ARHGAP32: variants seen among roughly 807,000 people sequenced by gnomAD.
ARHGAP32 encodes rho GTPase-activating protein 32.
In ARHGAP32, 51 loss-of-function variants were observed where a neutral mutation model predicts 186.5. That is an observed-to-expected ratio of 0.27 (90% CI 0.22 to 0.35). The LOEUF (loss-of-function observed/expected upper bound fraction) is 0.35, where lower values mean the gene tolerates loss of function less well. Ranked by LOEUF, ARHGAP32 falls within the 10% of genes least tolerant of loss-of-function variation. ARHGAP32 has a pLI of 1.00. For synonymous variants in ARHGAP32, 950 were observed against 964.3 expected (o/e 0.99, Z 0.27); for missense variants, 2,186 against 2,623.5 (o/e 0.83, Z 3.64).
chr11:129,021,716 C>A (rs965285770), intron 11 of ARHGAP32, among the ~76,000 whole-genome samples: 3 of 152,020 alleles, frequency 2.0e-5, no homozygotes, highest in South Asian at 4.1e-4. Flanking sequence ...ATTTTTATTT[C>A]GAAATTTAAA....
intron 1 of ARHGAP32, among the ~76,000 whole-genome samples, chr11:129,251,117 C>T (rs767584217): frequency 1.2e-4 from 18 of 152,138 alleles, no homozygotes; most frequent in African/African-American, 2.7e-4. Context: ...AGAAAGTAAA[C>T]GGATCCTATC....
intron 10 of ARHGAP32, among the ~76,000 whole-genome samples, chr11:129,045,308 G>C (rs564850695): frequency 6.6e-6 from 1 of 152,206 alleles, no homozygotes; most frequent in Non-Finnish European, 1.5e-5. Flanking sequence ...AAAGCTGAGA[G>C]AACCTTAGAG....
chr11:129,117,345 G>A (rs1942394938), intron 5 of ARHGAP32, among the ~76,000 whole-genome samples: 1 of 151,960 alleles, frequency 6.6e-6, no homozygotes, highest in Non-Finnish European at 1.5e-5. Flanking sequence ...ATAATGCCTG[G>A]CTCAGACAAA....
intron 11 of ARHGAP32, among the ~76,000 whole-genome samples, chr11:129,007,359 C>A (rs758557095): frequency 6.6e-6 from 1 of 152,024 alleles, no homozygotes; most frequent in Non-Finnish European, 1.5e-5. Flanking sequence ...CAGAGTCTCA[C>A]CCATGGCCCA....
At chr11:129,208,088 T>C (rs1944538519) in intron 1 of ARHGAP32, among the ~76,000 whole-genome samples, 1 of 152,138 alleles carries the variant, frequency 6.6e-6, no homozygotes. Flanking sequence ...TTCCTACCGT[T>C]TTAAAAGAAT....
At chr11:129,274,611 T>G (rs1051060486) in intron 1 of ARHGAP32, among the ~76,000 whole-genome samples, 2 of 152,208 alleles carry the variant, frequency 1.3e-5, no homozygotes, top group African/African-American at 4.8e-5. Flanking sequence ...TTGCTCACTC[T>G]TAGTTTGAGA....
chr11:129,203,716 T>C (rs1017628845), intron 1 of ARHGAP32, among the ~76,000 whole-genome samples: 3 of 56,060 alleles, frequency 5.4e-5, no homozygotes, highest in African/African-American at 1.9e-4. Context: ...GTCTTGTCTC[T>C]ACAAAAAAAA....
intron 12 of ARHGAP32, among the ~76,000 whole-genome samples, chr11:128,997,821 G>A (rs1322042304): frequency 1.3e-5 from 2 of 152,136 alleles, no homozygotes; most frequent in Non-Finnish European, 2.9e-5. Context: ...CTGAGCCCAG[G>A]AATTCAAGGC....
intron 11 of ARHGAP32, among the ~76,000 whole-genome samples, chr11:129,002,079 CTAT>C (rs1252068763): frequency 2.6e-5 from 4 of 151,946 alleles, no homozygotes; most frequent in African/African-American, 9.7e-5. Flanking sequence ...ATTGCTATGG[CTAT>C]TATTTAGTTC....
intron 1 of ARHGAP32, among the ~76,000 whole-genome samples, chr11:129,182,786 G>A (rs767472904): frequency 5.3e-5 from 8 of 151,794 alleles, no homozygotes; most frequent in Non-Finnish European, 8.8e-5. Flanking sequence ...TGGGACTACA[G>A]GCAGGTACCA....
At chr11:129,230,663 TA>T (rs1376039626) in intron 1 of ARHGAP32, among the ~76,000 whole-genome samples, 1 of 152,184 alleles carries the variant, frequency 6.6e-6, no homozygotes, top group Non-Finnish European at 1.5e-5. Flanking sequence ...TTCTCATGTA[TA>T]ATATTTCACA....
At chr11:129,258,136 C>T (rs1382707199) in intron 1 of ARHGAP32, among the ~76,000 whole-genome samples, 2 of 152,164 alleles carry the variant, frequency 1.3e-5, no homozygotes, top group African/African-American at 4.8e-5. Flanking sequence ...TTTTATAGCA[C>T]TTTGTCAAAT....
intron 15 of ARHGAP32, among the ~76,000 whole-genome samples, chr11:128,984,737 G>C (rs1945811848): frequency 6.6e-6 from 1 of 152,018 alleles, no homozygotes; most frequent in African/African-American, 2.4e-5. Flanking sequence ...TTAGAAGACA[G>C]GCAAAGTGGA....
At chr11:129,150,413 A>T (rs899408721) in intron 2 of ARHGAP32, among the ~76,000 whole-genome samples, 20 of 152,164 alleles carry the variant, frequency 1.3e-4, no homozygotes, top group African/African-American at 4.8e-4. Context: ...TGGCTCCTGC[A>T]GTGCCCCACT....
At chr11:129,074,722 G>A (rs1030698341) in intron 6 of ARHGAP32, among the ~76,000 whole-genome samples, 1 of 152,084 alleles carries the variant, frequency 6.6e-6, no homozygotes, top group African/African-American at 2.4e-5. Context: ...TCGATCTCCT[G>A]ACCACATGAT....
At chr11:129,080,868 CAAGAA>C (rs1251522636) in intron 6 of ARHGAP32, among the ~76,000 whole-genome samples, 6 of 151,646 alleles carry the variant, frequency 4.0e-5, no homozygotes, top group African/African-American at 1.5e-4. Context: ...CAATATCAAC[CAAGAA>C]AAGAAACGAG....
At chr11:128,999,161 A>C (rs1358499250) in intron 11 of ARHGAP32, among the ~76,000 whole-genome samples, 4 of 152,190 alleles carry the variant, frequency 2.6e-5, no homozygotes, top group Non-Finnish European at 5.9e-5. Context: ...TCTTTTTCTC[A>C]GCAAGGAACA....
intron 11 of ARHGAP32, among the ~76,000 whole-genome samples, chr11:129,024,906 A>G (rs1387298944): frequency 6.6e-6 from 1 of 152,226 alleles, no homozygotes; most frequent in Non-Finnish European, 1.5e-5. Flanking sequence ...CATAAATACA[A>G]TATAAATACT....
chr11:129,254,208 T>C (rs1228915877), intron 1 of ARHGAP32, among the ~76,000 whole-genome samples: 1 of 152,038 alleles, frequency 6.6e-6, no homozygotes, highest in Non-Finnish European at 1.5e-5. Flanking sequence ...CATAGATCTG[T>C]GATCATTAGT....
Sources: gnomAD v4.1 joint callset for allele counts (sites outside exome capture counted in the v4.1 genomes callset) on GRCh38, gnomAD v4.1.1 for gene constraint, MANE v1.5 for transcripts, NCBI Gene and HGNC (gene_info 2026-07-23, HGNC 2026-07-21) for gene names.